ADGRA2: variants seen among roughly 807,000 people sequenced by gnomAD.
The protein encoded by ADGRA2 is G-protein coupled receptor 124.
A neutral mutation model predicts 98.7 loss-of-function variants in ADGRA2; 61 were observed. The observed-to-expected ratio is 0.62, with a 90% CI of 0.50 to 0.76. The LOEUF is 0.76. ADGRA2 is among the 30% of genes least tolerant of loss of function. The pLI is 0.00. For missense variants in ADGRA2, 1,712 were observed against 1,860.0 expected (o/e 0.92, Z 1.46); for synonymous variants, 858 against 831.5 (o/e 1.03, Z -0.55).
chr8:37,806,534 T>C (rs1286034322), intron 1 of ADGRA2, among the ~76,000 whole-genome samples: 1 of 137,526 alleles, frequency 7.3e-6, no homozygotes, highest in Non-Finnish European at 1.5e-5. Context: ...TTCTTTTTTT[T>C]TTTTTTTTGA....
At chr8:37,800,017 C>T (rs761384031) in intron 1 of ADGRA2, among the ~76,000 whole-genome samples, 2 of 152,200 alleles carry the variant, frequency 1.3e-5, no homozygotes, top group African/African-American at 2.4e-5. Flanking sequence ...GGCTCAGTCC[C>T]TCCAGCACCC....
chr8:37,812,280 T>C (rs910233498), intron 1 of ADGRA2, among the ~76,000 whole-genome samples: 1 of 152,034 alleles, frequency 6.6e-6, no homozygotes, highest in Non-Finnish European at 1.5e-5. Flanking sequence ...CCACCAACAC[T>C]ACCTCTGCCC....
rs1805825335 is a variant in ADGRA2 at position 37,842,207 on chromosome 8, G to A, written c.3869G>A (p.Ser1290Asn). The change falls in exon 19 of 19, where the codon AGC (serine) becomes AAC (asparagine). Residue 1290 changes from serine (S) to asparagine (N), a missense_variant. Physicochemically the swap from Ser to Asn is conservative, Grantham distance 46. Coordinates refer to ENST00000412232, the MANE Select transcript of ADGRA2 (RefSeq NM_032777.10). ...LKGGGALEKESHRRSYPLNAA... is the reference protein window; with the variant it reads ...LKGGGALEKENHRRSYPLNAA... ...GGCGGCGGCGCGCTGGAGAAGGAGA[G>A]CCATCGCCGCTCGTACCCGCTCAAC... The A allele has an allele frequency of 6.5e-7, 1 of 1,545,276 alleles. No individual in the cohort carries two copies. The highest frequency in any genetic ancestry group is 2.5e-5 in the East Asian group (1 of 40,354).
rs930919028 is a variant in ADGRA2 at position 37,831,677 on chromosome 8, G to A, written c.1097+90G>A. The A allele has an allele frequency of 1.9e-5, 22 of 1,168,270 alleles. No homozygotes were observed. The Admixed American group carries it at 1.9e-4, about 10-fold the overall frequency. The allele number at this position is 1,168,270 out of a possible 1,614,324, so 72.4% of individuals were successfully genotyped here. ...ACAGGTGGCCAGAGTTTCCCCATCCGCTGTCTCTGTTGGGTCCTAAAGATG... is the reference window on the plus strand; with the variant it reads ...ACAGGTGGCCAGAGTTTCCCCATCCACTGTCTCTGTTGGGTCCTAAAGATG... On this transcript the variant is annotated intron_variant, in intron 8 of 18. Coordinates refer to ENST00000412232, the MANE Select transcript of ADGRA2 (RefSeq NM_032777.10).
chr8:37,804,664 C>T (rs993366488), intron 1 of ADGRA2, among the ~76,000 whole-genome samples: 1 of 152,230 alleles, frequency 6.6e-6, no homozygotes, highest in Admixed American at 6.5e-5. Flanking sequence ...GTCCCACTCC[C>T]AGCCCCTCTG....
chr8:37,804,100 GACACACACACACACACAC>G (rs60565183), intron 1 of ADGRA2, among the ~76,000 whole-genome samples: 272 of 107,196 alleles, frequency 2.5e-3, no homozygotes, highest in African/African-American at 4.8e-3. Context: ...CCCACGGTGA[GACACACACACACACACAC>G]ACACACACAC....
chr8:37,832,615 ATTCATAG>A (rs2130020907), intron 8 of ADGRA2, among the ~76,000 whole-genome samples: 1 of 152,230 alleles, frequency 6.6e-6, no homozygotes, highest in South Asian at 2.1e-4. Flanking sequence ...GCTTCCTTAT[ATTCATAG>A]TTTGCAAAAG....
chr8:37,833,667 C>T (rs751633517), intron 9 of ADGRA2, 21 bp from the exon 10 acceptor site: 1 of 1,612,606 alleles, frequency 6.2e-7, no homozygotes, highest in Non-Finnish European at 8.5e-7. Flanking sequence ...AGATGATCCT[C>T]TCTCTTCCCC....
intron 7 of ADGRA2, 91 bp from the exon 8 acceptor site, chr8:37,831,332 C>CAGCTAGTTTCATTAAAGAAAAAAGG (rs1805445637): frequency 1.7e-6 from 2 of 1,194,050 alleles, no homozygotes; most frequent in Non-Finnish European, 2.4e-6. Flanking sequence ...AAAAAAGGAC[C>CAGCTAGTTTCATTAAAGAAAAAAGG]TGCAGCTAGT....
In ADGRA2 at chr8:37,841,552, A is replaced by C. The variant is rs1338228751; in HGVS notation, c.3214A>C (p.Arg1072=). ...CTTCGTCTTCACTCACCACTGTGCCAGGCGGAGGGACGTGAGAGCCTCGTG... is the reference window on the plus strand; with the variant it reads ...CTTCGTCTTCACTCACCACTGTGCCCGGCGGAGGGACGTGAGAGCCTCGTG... ...GLFVFTHHCA[R]RRDVRASWRA... The change falls in exon 19 of 19, where the codon AGG becomes CGG. Residue 1072 remains arginine, a synonymous_variant. Coordinates refer to ENST00000412232, the MANE Select transcript of ADGRA2 (RefSeq NM_032777.10). The surrounding 1 kb of genome is among the most constrained non-coding windows in gnomAD (Gnocchi z 5.0). The C allele has an allele frequency of 1.2e-6, 2 of 1,611,006 alleles. No individual in the cohort carries two copies. Among genetic ancestry groups the C allele is most frequent in the South Asian group, 1.1e-5 (1 of 90,738 alleles).
At chr8:37,835,513 G>C in intron 12 of ADGRA2, 41 bp from the exon 13 acceptor site, 8 of 1,502,368 alleles carry the variant, frequency 5.3e-6, no homozygotes, top group Non-Finnish European at 7.4e-6. Flanking sequence ...CAGTGCTCTA[G>C]GGGGTCCTGG....
At position 37,802,309 on chromosome 8, in the gene ADGRA2, G is replaced by A. The variant is rs1193080273; in HGVS notation, c.266+4775G>A. On this transcript the variant is annotated intron_variant, in intron 1 of 18. Transcript: ENST00000412232. This position sits in a 1 kb window ranked among gnomAD's most constrained non-coding sequence, Gnocchi z 4.7. ...AGGACAAGGATGCTGGTGGAGGGGC[G>A]GGCCCAGGCCGGCGCCTCCACCCCC... Among the ~76,000 whole-genome samples, 1 of 152,130 alleles carries A rather than the reference G, an allele frequency of 6.6e-6. No homozygotes were observed. Among genetic ancestry groups the A allele is most frequent in the Non-Finnish European group, 1.5e-5 (1 of 68,018 alleles).
In ADGRA2 at chr8:37,844,856, A is replaced by C. The variant is rs1805922957; in HGVS notation, c.*2501A>C. Reference sequence around the variant, plus strand: ...GTGACTGGCGGTGCTGGAGAAGGTCACCGATGTGCTTCACCACAGACCGTT... The same window carrying C: ...GTGACTGGCGGTGCTGGAGAAGGTCCCCGATGTGCTTCACCACAGACCGTT... On this transcript the variant is annotated 3_prime_UTR_variant, in exon 19 of 19. Transcript: ENST00000412232. 6.2e-7 allele frequency: 1 copy of C among 1,614,156 alleles called. No individual in the cohort carries two copies. Among genetic ancestry groups the C allele is most frequent in the Non-Finnish European group, 8.5e-7 (1 of 1,180,030 alleles).
At chr8:37,837,598 C>A in intron 13 of ADGRA2, 133 bp from the exon 14 acceptor site, 2 of 745,830 alleles carry the variant, frequency 2.7e-6, no homozygotes, top group Non-Finnish European at 4.5e-6. Context: ...CGCATGCCCC[C>A]AGCCCAGCAC....
chr8:37,842,075 G>T lies in ADGRA2; in HGVS notation c.3737G>T (p.Gly1246Val), dbSNP rs1248272933. 58 of 1,516,526 alleles carry T rather than the reference G, an allele frequency of 3.8e-5. No individual in the cohort carries two copies. The highest frequency in any genetic ancestry group is 5.1e-5 in the Non-Finnish European group (58 of 1,139,788). 93.9% of individuals were successfully genotyped at this position (1,516,526 alleles called of 1,614,324 possible). The stretch of plus-strand genomic sequence containing the variant: ...CCGGGCGCCGGCCTGCAGCTGGAAG[G>T]CGAGCCCATGCTCACGCCGTCCGAG... The part of the protein sequence containing the change: ...NSPGAGLQLE[G>V]EPMLTPSEGS... The change falls in exon 19 of 19, where the codon GGC (glycine) becomes GTC (valine). Residue 1246 changes from glycine (G) to valine (V), a missense_variant. Transcript: ENST00000412232.
rs1197003110 is a variant in ADGRA2 at position 37,837,579 on chromosome 8, G to A, written c.2051-152G>A. 3 of 675,430 alleles carry A rather than the reference G, an allele frequency of 4.4e-6. No individual in the cohort carries two copies. In the Admixed American group the frequency reaches 7.2e-5, roughly 16 times the overall value. 41.8% of individuals were successfully genotyped at this position (675,430 alleles called of 1,614,324 possible). A position where few individuals can be genotyped will look rare whatever the true frequency, so the allele number is the denominator to read the frequency against. On this transcript the variant is annotated intron_variant, in intron 13 of 18. Transcript: ENST00000412232. The stretch of plus-strand genomic sequence containing the variant: ...CCCCATTAGACTGAGGCTGTCCTTG[G>A]CATCTCACCGCATGCCCCCAGCCCA...
rs528434486 is a variant in ADGRA2 at position 37,841,332 on chromosome 8, G to A, written c.2994G>A (p.Ala998=). 5.6e-5 allele frequency: 90 copies of A among 1,606,594 alleles called. No individual in the cohort carries two copies. Among genetic ancestry groups the A allele is most frequent in the Middle Eastern group, 5.0e-4 (3 of 6,036 alleles). The change falls in exon 19 of 19, where the codon GCG becomes GCA. Residue 998 remains alanine (A), a synonymous_variant. Coordinates refer to ENST00000412232, the MANE Select transcript of ADGRA2 (RefSeq NM_032777.10). The surrounding 1 kb of genome is among the most constrained non-coding windows in gnomAD (Gnocchi z 5.0). ...DSGSLLATGS[A]RVGTPGPPED... is the part of the protein sequence containing the mutation. Reference sequence around the variant, plus strand: ...GTTCCCTTCTTGCTACTGGGAGCGCGCGAGTGGGGACGCCCGGGCCCCCGG... The same window carrying A: ...GTTCCCTTCTTGCTACTGGGAGCGCACGAGTGGGGACGCCCGGGCCCCCGG...
At chr8:37,817,564 C>T (rs1805015953) in intron 2 of ADGRA2, among the ~76,000 whole-genome samples, 1 of 151,780 alleles carries the variant, frequency 6.6e-6, no homozygotes, top group South Asian at 2.1e-4. Context: ...TTTTAATTAG[C>T]CAGGCACAGT....
rs2130035611 is a variant in ADGRA2, at chr8:37,835,642, G to A, written c.1922G>A (p.Cys641Tyr). The A allele has an allele frequency of 6.2e-7, 1 of 1,613,358 alleles. No homozygotes were observed. The highest frequency in any genetic ancestry group is 8.5e-7 in the Non-Finnish European group (1 of 1,179,472). Residue 641 changes from cysteine (C) to tyrosine (Y), a missense_variant, in exon 13 of 19, where the codon TGC (cysteine) becomes TAC (tyrosine). By Grantham distance (194) the Cys-to-Tyr change is radical (BLOSUM62 -2). Transcript: ENST00000412232. ...AALAPPVPPDCTLQLLVFRNG... is the reference protein window; with the variant it reads ...AALAPPVPPDYTLQLLVFRNG... ...CTGGCTCCCCCGGTGCCCCCAGACT[G>A]CACCCTGCAACTGCTCGTCTTCCGA... is the stretch of plus-strand genomic sequence containing the variant.
Sources: gnomAD v4.1 joint callset for allele counts (sites outside exome capture counted in the v4.1 genomes callset) on GRCh38, gnomAD v4.1.1 for gene constraint, Gnocchi (gnomAD v3.1) non-coding constraint, MANE v1.5 for transcripts, NCBI Gene and HGNC (gene_info 2026-07-23, HGNC 2026-07-21) for gene names.